Variants in LHFPL2 observed in about 807,000 individuals in gnomAD.
LHFPL2 encodes LHFPL tetraspan subfamily member 2, also known as LHFPL tetraspan subfamily member 2 protein.
Under a neutral mutation model 17.5 loss-of-function variants are expected in LHFPL2, and 7 were observed. That is an observed-to-expected ratio of 0.40 (90% confidence interval 0.23 to 0.75). The LOEUF is 0.75. LHFPL2 is among the 30% of genes least tolerant of loss of function. The pLI, the probability that LHFPL2 is intolerant of heterozygous loss-of-function variation, is 0.37. For missense variants in LHFPL2, 241 were observed against 294.8 expected (o/e 0.82, Z 1.34); for synonymous variants, 134 against 116.2 (o/e 1.15, Z -0.99).
chr5:78,605,472 C>A (rs1351412253), intron 2 of LHFPL2, among the ~76,000 whole-genome samples: 1 of 152,130 alleles, frequency 6.6e-6, no homozygotes, highest in Non-Finnish European at 1.5e-5. Flanking sequence ...CCCCTTCCAG[C>A]CTCTTTCAAA....
At chr5:78,566,521 T>C (rs954406771) in intron 2 of LHFPL2, among the ~76,000 whole-genome samples, 2 of 151,990 alleles carry the variant, frequency 1.3e-5, no homozygotes, top group African/African-American at 4.8e-5. Context: ...TGAAGTACAA[T>C]GGCACGATCT....
intron 4 of LHFPL2, among the ~76,000 whole-genome samples, chr5:78,501,929 C>G (rs1306109546): frequency 6.6e-6 from 1 of 151,934 alleles, no homozygotes; most frequent in Non-Finnish European, 1.5e-5. Flanking sequence ...ATTTTAGAAG[C>G]TTTAACCAGT....
intron 2 of LHFPL2, among the ~76,000 whole-genome samples, chr5:78,593,786 C>A (rs1743729178): frequency 6.6e-6 from 1 of 152,072 alleles, no homozygotes; most frequent in African/African-American, 2.4e-5. Context: ...AAGGCTGGAC[C>A]AATTGTCTAT....
chr5:78,574,135 ATGTC>A (rs1301641659), intron 2 of LHFPL2, among the ~76,000 whole-genome samples: 1 of 152,238 alleles, frequency 6.6e-6, no homozygotes, highest in African/African-American at 2.4e-5. Context: ...TATTTACATA[ATGTC>A]TGTTCTAACT....
rs1754324224 is a variant in LHFPL2 at position 78,488,472 on chromosome 5, C to CA, written c.*424dup. On this transcript the variant is annotated 3_prime_UTR_variant, in exon 5 of 5. Transcript: ENST00000380345. Reference sequence around the variant, plus strand: ...GACAACTTGAAAGAACAGAGGAAAACAAGAACTCCAACCCAAAACCCCATT... The same window carrying CA: ...GACAACTTGAAAGAACAGAGGAAAACAAAGAACTCCAACCCAAAACCCCATT... 4.7e-6 allele frequency: 1 copy of CA among 213,050 alleles called. No homozygotes were observed. The allele number at this position is 213,050 out of a possible 1,614,324, so 13.2% of individuals were successfully genotyped here.
intron 2 of LHFPL2, among the ~76,000 whole-genome samples, chr5:78,576,481 C>G (rs746906339): frequency 6.6e-6 from 1 of 152,098 alleles, no homozygotes. Flanking sequence ...AAAAACAAGT[C>G]CTCCCCACAG....
At chr5:78,613,824 T>C (rs1639796665) in intron 2 of LHFPL2, among the ~76,000 whole-genome samples, 1 of 152,188 alleles carries the variant, frequency 6.6e-6, no homozygotes, top group Non-Finnish European at 1.5e-5. Context: ...CTTAGTAAAG[T>C]TGTTGAACTT....
At chr5:78,582,434 T>C (rs1396279162) in intron 2 of LHFPL2, among the ~76,000 whole-genome samples, 2 of 150,942 alleles carry the variant, frequency 1.3e-5, no homozygotes, top group African/African-American at 4.9e-5. Flanking sequence ...GTGCTATAAA[T>C]TTCCCTCTAC....
In LHFPL2 at chr5:78,506,007, A is replaced by G. The variant is rs563824135; in HGVS notation, c.430+3777T>C. Among the ~76,000 whole-genome samples, 7 of 152,364 alleles carry G rather than the reference A, an allele frequency of 4.6e-5. No individual in the cohort carries two copies. The East Asian group carries it at 1.4e-3, about 29-fold the overall frequency. On this transcript the variant is annotated intron_variant, in intron 4 of 4. Transcript: ENST00000380345. ...ACTGAGTGAGTGCTGAATGTCAAGG[A>G]CATGTGCACAGTATTTAGAAAGTAT...
At chr5:78,635,393 C>T (rs984668566) in intron 1 of LHFPL2, among the ~76,000 whole-genome samples, 2 of 152,206 alleles carry the variant, frequency 1.3e-5, no homozygotes, top group Admixed American at 1.3e-4. Flanking sequence ...CCTCTTCCCC[C>T]AGGGAAAAGG....
intron 3 of LHFPL2, among the ~76,000 whole-genome samples, chr5:78,530,035 G>A (rs1172588807): frequency 6.6e-6 from 1 of 152,188 alleles, no homozygotes; most frequent in Admixed American, 6.5e-5. Context: ...CAGAACAGAA[G>A]ATTGGGCAAA....
intron 3 of LHFPL2, among the ~76,000 whole-genome samples, chr5:78,539,142 A>C (rs182966348): frequency 3.3e-5 from 5 of 152,276 alleles, no homozygotes; most frequent in African/African-American, 1.2e-4. Context: ...GCATCCTTCC[A>C]AAAGGGCTTG....
intron 2 of LHFPL2, among the ~76,000 whole-genome samples, chr5:78,591,899 T>C (rs1251494853): frequency 5.3e-5 from 8 of 152,200 alleles, no homozygotes; most frequent in Non-Finnish European, 7.3e-5. Flanking sequence ...GGTTTTCTTA[T>C]TGTTCTTTCT....
chr5:78,583,638 C>G (rs1743237515), intron 2 of LHFPL2, among the ~76,000 whole-genome samples: 1 of 152,196 alleles, frequency 6.6e-6, no homozygotes, highest in Non-Finnish European at 1.5e-5. Context: ...TGTAGGGTTT[C>G]TGCCAAGAGA....
At chr5:78,575,808 G>C (rs1561346578) in intron 2 of LHFPL2, among the ~76,000 whole-genome samples, 1 of 152,176 alleles carries the variant, frequency 6.6e-6, no homozygotes, top group Non-Finnish European at 1.5e-5. Context: ...TAGTTTCTAG[G>C]TCTCTGGAAA....
At chr5:78,612,671 C>T (rs1744461011) in intron 2 of LHFPL2, among the ~76,000 whole-genome samples, 1 of 152,248 alleles carries the variant, frequency 6.6e-6, no homozygotes, top group Non-Finnish European at 1.5e-5. Flanking sequence ...TACATAAAGG[C>T]TGCCTTTCCT....
intron 4 of LHFPL2, among the ~76,000 whole-genome samples, chr5:78,495,032 G>A (rs369573827): frequency 6.6e-6 from 1 of 152,264 alleles, no homozygotes; most frequent in South Asian, 2.1e-4. Context: ...ATCAAATAAT[G>A]GGATATCAAA....
At chr5:78,621,329 G>A (rs1414056736) in intron 2 of LHFPL2, among the ~76,000 whole-genome samples, 1 of 151,990 alleles carries the variant, frequency 6.6e-6, no homozygotes, top group African/African-American at 2.4e-5. Context: ...AGGGAGAACA[G>A]CAGCAGCAAT....
intron 2 of LHFPL2, among the ~76,000 whole-genome samples, chr5:78,629,032 A>G (rs960959685): frequency 1.3e-4 from 20 of 152,346 alleles, no homozygotes; most frequent in African/African-American, 3.4e-4. Context: ...GAAAAGGGGG[A>G]AAAGGAATCA....
Sources: gnomAD v4.1 joint callset for allele counts (sites outside exome capture counted in the v4.1 genomes callset) on GRCh38, gnomAD v4.1.1 for gene constraint, MANE v1.5 for transcripts, NCBI Gene and HGNC (gene_info 2026-07-23, HGNC 2026-07-21) for gene names.